The following ERC1 variants were observed in gnomAD, a reference collection of about 807,000 sequenced individuals.
The protein encoded by ERC1 is ELKS/RAB6-interacting/CAST family member 1, also known as RAB6 interacting protein 2.
A neutral mutation model predicts 132.0 loss-of-function variants in ERC1; 56 were observed. The ratio of observed to expected loss-of-function variants is 0.42; its 90% CI spans 0.34 to 0.53. ERC1 has a LOEUF of 0.53. Ranked by LOEUF, ERC1 falls within the 20% of genes least tolerant of loss-of-function variation. The probability of loss-of-function intolerance (pLI) is 0.03; values close to 1 mark genes in which losing one functional copy is unlikely to be tolerated. For synonymous variants in ERC1, 478 were observed against 476.1 expected (o/e 1.00, Z -0.05); for missense variants, 1,202 against 1,349.9 (o/e 0.89, Z 1.72).
intron 12 of ERC1, among the ~76,000 whole-genome samples, chr12:1,236,045 TATC>T (rs1202562660): frequency 6.6e-6 from 1 of 152,180 alleles, no homozygotes; most frequent in Non-Finnish European, 1.5e-5. Flanking sequence ...TAATATTGAA[TATC>T]ATTCTGTACT....
chr12:1,163,585 G>A (rs541281785), intron 8 of ERC1, among the ~76,000 whole-genome samples: 1 of 152,262 alleles, frequency 6.6e-6, no homozygotes, highest in African/African-American at 2.4e-5. Flanking sequence ...TAGGTAGTTT[G>A]TTCTTGATTT....
chr12:998,658 C>T (rs746439307), intron 1 of ERC1, among the ~76,000 whole-genome samples: 3 of 152,144 alleles, frequency 2.0e-5, no homozygotes, highest in Non-Finnish European at 4.4e-5. Flanking sequence ...AGGTCCAGTG[C>T]ACTCAAGGCA....
chr12:1,445,683 C>T (rs907614256), intron 18 of ERC1, among the ~76,000 whole-genome samples: 2 of 152,128 alleles, frequency 1.3e-5, no homozygotes, highest in African/African-American at 4.8e-5. Flanking sequence ...TTTGGAATTA[C>T]CTTTTGAAGG....
chr12:1,275,269 C>T (rs1368431265), intron 14 of ERC1, among the ~76,000 whole-genome samples: 3 of 152,142 alleles, frequency 2.0e-5, no homozygotes, highest in African/African-American at 4.8e-5. Context: ...AGGTCGATCA[C>T]CTGAGGTCAG....
In ERC1 at chr12:1,386,686, T is replaced by TAAA. The variant is rs1440121563; in HGVS notation, c.2925+14711_2925+14712insAAA. ...AAAAACATTAAAAAGTACACATGTCTAAGTATACATGTCAGTGAAATTTTA... is the reference window on the plus strand; with the variant it reads ...AAAAACATTAAAAAGTACACATGTCTAAAAAGTATACATGTCAGTGAAATTTTA... On this transcript the variant is annotated intron_variant, in intron 16 of 18. Coordinates refer to ENST00000360905, the MANE Select transcript of ERC1 (RefSeq NM_178040.4). 24 of 116,152 alleles carry TAAA rather than the reference T, an allele frequency of 2.1e-4. No individual in the cohort carries two copies. The East Asian group carries it at 5.3e-3, about 25-fold the overall frequency. 7.2% of individuals were successfully genotyped at this position (116,152 alleles called of 1,614,324 possible). A position where few individuals can be genotyped will look rare whatever the true frequency, so the allele number is the denominator to read the frequency against.
chr12:1,023,569 TAAA>T, intron 1 of ERC1, among the ~76,000 whole-genome samples: 1 of 152,264 alleles, frequency 6.6e-6, no homozygotes. Context: ...AAAGGAGAAG[TAAA>T]AAAGTACTGG....
chr12:1,479,077 G>T (rs991346824), intron 18 of ERC1, among the ~76,000 whole-genome samples: 2 of 152,134 alleles, frequency 1.3e-5, no homozygotes, highest in Non-Finnish European at 2.9e-5. Context: ...TCTTTTCCCA[G>T]TGCACAGTCA....
intron 7 of ERC1, among the ~76,000 whole-genome samples, chr12:1,135,703 G>A (rs1023164364): frequency 6.6e-6 from 1 of 152,166 alleles, no homozygotes; most frequent in Non-Finnish European, 1.5e-5. Context: ...GTGATGCATC[G>A]TCTACAAGAC....
chr12:1,368,261 A>T (rs1170151135), intron 15 of ERC1, among the ~76,000 whole-genome samples: 1 of 152,148 alleles, frequency 6.6e-6, no homozygotes, highest in Non-Finnish European at 1.5e-5. Flanking sequence ...AGGTGATCTC[A>T]AACCATTGAC....
At chr12:1,278,332 G>A (rs148483578) in intron 14 of ERC1, among the ~76,000 whole-genome samples, 2 of 152,306 alleles carry the variant, frequency 1.3e-5, no homozygotes, top group South Asian at 2.1e-4. Context: ...AAAGTCTCTA[G>A]TAATGGCAAC....
chr12:1,098,474 T>G (rs1394862780), intron 3 of ERC1, among the ~76,000 whole-genome samples: 1 of 152,218 alleles, frequency 6.6e-6, no homozygotes, highest in East Asian at 1.9e-4. Context: ...CAAGAAATAC[T>G]TCCGCACTAG....
At chr12:1,451,684 G>A (rs1411219810) in intron 18 of ERC1, among the ~76,000 whole-genome samples, 1 of 152,126 alleles carries the variant, frequency 6.6e-6, no homozygotes, top group Non-Finnish European at 1.5e-5. Flanking sequence ...TAAATGTCTT[G>A]TAGTACACAT....
chr12:1,406,237 A>G (rs2091480609), intron 16 of ERC1, among the ~76,000 whole-genome samples: 1 of 152,222 alleles, frequency 6.6e-6, no homozygotes, highest in African/African-American at 2.4e-5. Context: ...AGCTGGTGAG[A>G]GACAGAGCTA....
chr12:1,304,892 C>G (rs186444463), intron 15 of ERC1, among the ~76,000 whole-genome samples: 30 of 147,696 alleles, frequency 2.0e-4, no homozygotes, highest in African/African-American at 7.0e-4. Context: ...CGGGTTGACG[C>G]CATTCTCCTA....
intron 17 of ERC1, among the ~76,000 whole-genome samples, chr12:1,418,863 C>T (rs750140227): frequency 2.0e-5 from 3 of 151,732 alleles, no homozygotes; most frequent in African/African-American, 4.8e-5. Flanking sequence ...CACGCGTGTA[C>T]CACCATGCCC....
At chr12:999,840 C>T (rs1249409826) in intron 1 of ERC1, among the ~76,000 whole-genome samples, 1 of 152,074 alleles carries the variant, frequency 6.6e-6, no homozygotes, top group Non-Finnish European at 1.5e-5. Flanking sequence ...GGTGATCCGC[C>T]TGTCTTGGCC....
chr12:1,347,320 A>C (rs957166651), intron 15 of ERC1, among the ~76,000 whole-genome samples: 1 of 152,236 alleles, frequency 6.6e-6, no homozygotes, highest in African/African-American at 2.4e-5. Context: ...ATGGTACAGC[A>C]ATTTATTTTT....
intron 2 of ERC1, among the ~76,000 whole-genome samples, chr12:1,072,506 A>G (rs1940580291): frequency 6.6e-6 from 1 of 152,036 alleles, no homozygotes; most frequent in Non-Finnish European, 1.5e-5. Context: ...TGTCTTTACA[A>G]ACACATGTGC....
chr12:1,001,336 G>A (rs1321374067), intron 1 of ERC1, among the ~76,000 whole-genome samples: 2 of 152,188 alleles, frequency 1.3e-5, no homozygotes, highest in Non-Finnish European at 1.5e-5. Flanking sequence ...GGGATTACAG[G>A]CATGAGCCAC....
Sources: gnomAD v4.1 joint callset for allele counts (sites outside exome capture counted in the v4.1 genomes callset) on GRCh38, gnomAD v4.1.1 for gene constraint, MANE v1.5 for transcripts, NCBI Gene and HGNC (gene_info 2026-07-23, HGNC 2026-07-21) for gene names.